Variants in MYT1L observed in about 807,000 individuals in gnomAD.
The protein encoded by MYT1L is myelin transcription factor 1 like.
Under a neutral mutation model 126.7 loss-of-function variants are expected in MYT1L, and 12 were observed. The observed-to-expected ratio is 0.09, with a 90% CI of 0.06 to 0.15. The LOEUF is 0.15. Among genes scored for constraint, MYT1L ranks in the 10% least tolerant of loss-of-function variants. The probability of loss-of-function intolerance (pLI) is 1.00; values close to 1 mark genes in which losing one functional copy is unlikely to be tolerated. For missense variants in MYT1L, 979 were observed against 1,585.2 expected, an observed-to-expected ratio of 0.62 and a Z score of 6.49; for synonymous variants, 541 against 604.2, an observed-to-expected ratio of 0.90 and a Z score of 1.53.
chr2:2,310,334 A>C (rs940367651), intron 1 of MYT1L, among the ~76,000 whole-genome samples: 2 of 151,604 alleles, frequency 1.3e-5, no homozygotes, highest in African/African-American at 4.9e-5. Context: ...ACTTTAGTAC[A>C]CTCTACCCAT....
At chr2:2,260,695 T>C (rs1041886578) in intron 2 of MYT1L, among the ~76,000 whole-genome samples, 2 of 152,202 alleles carry the variant, frequency 1.3e-5, no homozygotes, top group East Asian at 3.9e-4. Context: ...CTCTGCTTTA[T>C]TAAAATTTCC....
At chr2:2,196,023 C>T (rs1327099164) in intron 2 of MYT1L, among the ~76,000 whole-genome samples, 1 of 151,930 alleles carries the variant, frequency 6.6e-6, no homozygotes, top group Non-Finnish European at 1.5e-5. Context: ...TGATGAAAGG[C>T]ATTAGCCTAC....
At chr2:2,113,829 T>C (rs979626372) in intron 3 of MYT1L, among the ~76,000 whole-genome samples, 3 of 146,558 alleles carry the variant, frequency 2.0e-5, no homozygotes, top group Non-Finnish European at 3.0e-5. Flanking sequence ...GATAGGAAAA[T>C]AGTTATGAAA....
chr2:1,820,831 G>C (rs752710293), intron 21 of MYT1L, among the ~76,000 whole-genome samples: 7 of 152,102 alleles, frequency 4.6e-5, no homozygotes, highest in East Asian at 1.9e-4. Flanking sequence ...ACAGGTGTGA[G>C]CCACCACACT....
intron 5 of MYT1L, among the ~76,000 whole-genome samples, chr2:1,995,733 C>CGT (rs1286213960): frequency 2.0e-5 from 3 of 152,136 alleles, no homozygotes; most frequent in African/African-American, 7.2e-5. Flanking sequence ...CCGAAATCCC[C>CGT]GTCCCAGACA....
At chr2:1,908,644 G>A (rs1443792069) in intron 13 of MYT1L, among the ~76,000 whole-genome samples, 2 of 152,218 alleles carry the variant, frequency 1.3e-5, no homozygotes, top group African/African-American at 2.4e-5. Flanking sequence ...GCTGGATTAC[G>A]CAGCCCCGCG....
chr2:1,840,749 G>A lies in MYT1L; in HGVS notation c.2858+11C>T. ...CCCTGCTATGGTTCTCAGCCCCACT[G>A]GTGCTCATACCTGATGGGTTCTTGA... On this transcript the variant is annotated intron_variant, in intron 20 of 24. Coordinates refer to ENST00000647738, the MANE Select transcript of MYT1L (RefSeq NM_001303052.2). 2 of 1,545,070 alleles carry A rather than the reference G, an allele frequency of 1.3e-6. No individual in the cohort carries two copies. The highest frequency in any genetic ancestry group is 1.2e-5 in the South Asian group (1 of 83,776).
rs183129004 is a variant in MYT1L, at chr2:2,302,805, C to T, written c.-520-18302G>A. Among the ~76,000 whole-genome samples, 37 of 152,160 alleles carry T rather than the reference C, an allele frequency of 2.4e-4. 1 individual carries two copies. The highest frequency in any genetic ancestry group is 2.2e-3 in the Admixed American group (33 of 15,290). The stretch of plus-strand genomic sequence containing the variant: ...GGTAATGTGCAGTAATGGTTTGATG[C>T]GTGAACAAAGTCCTTGAGAGGGGCC... On this transcript the variant is annotated intron_variant, in intron 1 of 24. Coordinates refer to ENST00000647738, the MANE Select transcript of MYT1L (RefSeq NM_001303052.2).
intron 4 of MYT1L, among the ~76,000 whole-genome samples, chr2:1,998,938 T>C (rs1167201128): frequency 6.6e-6 from 1 of 152,164 alleles, no homozygotes; most frequent in African/African-American, 2.4e-5. Flanking sequence ...CGCACTGCCC[T>C]GTGAAGACAG....
chr2:1,906,126 T>TA (rs1446024810), intron 13 of MYT1L, among the ~76,000 whole-genome samples: 4 of 152,228 alleles, frequency 2.6e-5, no homozygotes, highest in South Asian at 2.1e-4. Context: ...AGCTATTTTT[T>TA]AAAAAATCGC....
intron 2 of MYT1L, among the ~76,000 whole-genome samples, chr2:2,279,354 A>G (rs1244041811): frequency 6.6e-6 from 1 of 151,768 alleles, no homozygotes; most frequent in East Asian, 1.9e-4. Flanking sequence ...TCAAAGAAGT[A>G]TTATAATGAT....
At chr2:2,151,733 A>G (rs1304213703) in intron 3 of MYT1L, among the ~76,000 whole-genome samples, 2 of 152,206 alleles carry the variant, frequency 1.3e-5, no homozygotes, top group East Asian at 1.9e-4. Flanking sequence ...TAACAACAGT[A>G]ACTAACAAAA....
chr2:2,295,541 G>GAGAGAGATAGAGAGACAGACAGAC (rs1177460393), intron 1 of MYT1L, among the ~76,000 whole-genome samples: 8 of 143,696 alleles, frequency 5.6e-5, no homozygotes, highest in South Asian at 4.5e-4. Context: ...GAAAGATAGA[G>GAGAGAGATAGAGAGACAGACAGAC]AGAGAGAGAG....
intron 4 of MYT1L, among the ~76,000 whole-genome samples, chr2:2,023,786 GTGGGCA>G (rs1402713544): frequency 1.3e-5 from 2 of 152,158 alleles, no homozygotes; most frequent in Non-Finnish European, 2.9e-5. Context: ...ATGTTTGTCT[GTGGGCA>G]TGAACTCTTT....
chr2:1,795,933 C>A (rs1201167884), intron 23 of MYT1L, among the ~76,000 whole-genome samples: 2 of 152,146 alleles, frequency 1.3e-5, no homozygotes, highest in African/African-American at 4.8e-5. Context: ...ATTGCGCAGT[C>A]TCTGACCACA....
chr2:2,067,895 T>C (rs1324963823), intron 3 of MYT1L, among the ~76,000 whole-genome samples: 1 of 152,046 alleles, frequency 6.6e-6, no homozygotes, highest in Non-Finnish European at 1.5e-5. Context: ...CGGGAACACA[T>C]ACACCACAAG....
chr2:2,142,374 G>C (rs2084122737), intron 3 of MYT1L, among the ~76,000 whole-genome samples: 1 of 152,066 alleles, frequency 6.6e-6, no homozygotes, highest in Admixed American at 6.6e-5. Flanking sequence ...TATCCCACAT[G>C]TCCTATGCAT....
intron 2 of MYT1L, among the ~76,000 whole-genome samples, chr2:2,209,345 T>C (rs2093423637): frequency 6.6e-6 from 1 of 152,192 alleles, no homozygotes; most frequent in African/African-American, 2.4e-5. Flanking sequence ...TAAGTCTTAT[T>C]CATTCTTTCT....
intron 3 of MYT1L, among the ~76,000 whole-genome samples, chr2:2,128,294 C>A (rs2081967595): frequency 6.6e-6 from 1 of 151,994 alleles, no homozygotes; most frequent in Admixed American, 6.6e-5. Context: ...TTACAGGCAC[C>A]CAACACCACG....
Sources: gnomAD v4.1 joint callset for allele counts (sites outside exome capture counted in the v4.1 genomes callset) on GRCh38, gnomAD v4.1.1 for gene constraint, MANE v1.5 for transcripts, NCBI Gene and HGNC (gene_info 2026-07-23, HGNC 2026-07-21) for gene names.